The following CCDC7 variants were observed in gnomAD, a reference collection of about 807,000 sequenced individuals.
CCDC7 encodes coiled-coil domain-containing protein 7.
In CCDC7, 183 loss-of-function variants were observed where a neutral mutation model predicts 196.9. The observed-to-expected ratio is 0.93, with a 90% CI of 0.82 to 1.05. The LOEUF is 1.05. CCDC7 is among the 50% of genes least tolerant of loss of function. The probability of loss-of-function intolerance (pLI) is 0.00; values close to 1 mark genes in which losing one functional copy is unlikely to be tolerated. For synonymous variants in CCDC7, 525 were observed against 484.6 expected (o/e 1.08, Z -1.10); for missense variants, 1,540 against 1,482.2 (o/e 1.04, Z -0.64).
chr10:32,840,181 CA>C (rs987984583), intron 33 of CCDC7, among the ~76,000 whole-genome samples: 1 of 150,788 alleles, frequency 6.6e-6, no homozygotes, highest in Non-Finnish European at 1.5e-5. Context: ...AAGAATGAAA[CA>C]AAAAAATGCA....
chr10:32,711,017 A>G (rs2080732568), intron 24 of CCDC7, among the ~76,000 whole-genome samples: 1 of 152,178 alleles, frequency 6.6e-6, no homozygotes, highest in African/African-American at 2.4e-5. Flanking sequence ...TTCTCACTGT[A>G]TGTACAGCCA....
chr10:32,688,170 C>T (rs1378415927), intron 22 of CCDC7, among the ~76,000 whole-genome samples: 5 of 152,230 alleles, frequency 3.3e-5, no homozygotes, highest in East Asian at 1.9e-4. Flanking sequence ...GTGCCACTGT[C>T]GCACACTATC....
chr10:32,788,729 G>A (rs2082239234), intron 29 of CCDC7, among the ~76,000 whole-genome samples: 1 of 152,210 alleles, frequency 6.6e-6, no homozygotes, highest in Non-Finnish European at 1.5e-5. Flanking sequence ...TGTCCCTACA[G>A]ACTCAGGCTA....
intron 22 of CCDC7, among the ~76,000 whole-genome samples, chr10:32,686,336 T>C (rs2076463832): frequency 6.6e-6 from 1 of 152,218 alleles, no homozygotes; most frequent in South Asian, 2.1e-4. Flanking sequence ...ATAATTGTCT[T>C]TCAAAGAGTG....
chr10:32,573,230 G>C (rs540502678), intron 16 of CCDC7, among the ~76,000 whole-genome samples: 13 of 152,278 alleles, frequency 8.5e-5, no homozygotes, highest in African/African-American at 3.1e-4. Flanking sequence ...TGCTACTATA[G>C]TTTTCCATGC....
rs147841345 is a variant in CCDC7 at position 32,846,030 on chromosome 10, A to T, written c.3604+71A>T. The T allele has an allele frequency of 1.7e-3, 1,855 of 1,088,158 alleles. 20 individuals carry two copies. The African/African-American group carries it at 0.026, about 15-fold the overall frequency. 67.4% of individuals were successfully genotyped at this position (1,088,158 alleles called of 1,614,324 possible). A position where few individuals can be genotyped will look rare whatever the true frequency, so the allele number is the denominator to read the frequency against. On this transcript the variant is annotated intron_variant, in intron 36 of 41. Coordinates refer to ENST00000639629, the Ensembl canonical transcript of CCDC7. Reference sequence around the variant, plus strand: ...TTCCCTGAGTTAAATTGAAGTATAGACCTTTAATGACAACAGTACCTGTAT... The same window carrying T: ...TTCCCTGAGTTAAATTGAAGTATAGTCCTTTAATGACAACAGTACCTGTAT...
exon 38 of CCDC7, chr10:32,847,834 G>T: frequency 6.2e-7 from 1 of 1,600,682 alleles, no homozygotes; most frequent in Non-Finnish European, 8.5e-7. Context: ...TGTCTATAGA[G>T]ACTGATGTAG....
intron 28 of CCDC7, among the ~76,000 whole-genome samples, chr10:32,747,996 A>G (rs1458913250): frequency 1.3e-5 from 2 of 152,228 alleles, no homozygotes. Context: ...GATAAAGAAA[A>G]TGTGGTACAT....
At chr10:32,486,006 A>T (rs963607038) in intron 8 of CCDC7, among the ~76,000 whole-genome samples, 1 of 152,188 alleles carries the variant, frequency 6.6e-6, no homozygotes, top group Non-Finnish European at 1.5e-5. Flanking sequence ...GTAGATGTCT[A>T]TTAGGTCCAC....
chr10:32,595,734 T>C (rs945229007), intron 18 of CCDC7, among the ~76,000 whole-genome samples: 1 of 152,236 alleles, frequency 6.6e-6, no homozygotes, highest in African/African-American at 2.4e-5. Context: ...GAGATTCTGG[T>C]ATGTTGTGTC....
At chr10:32,457,551 G>T (rs1445181464) in intron 3 of CCDC7, among the ~76,000 whole-genome samples, 4 of 152,194 alleles carry the variant, frequency 2.6e-5, no homozygotes, top group Non-Finnish European at 5.9e-5. Context: ...ACACCCAGTA[G>T]TGGAATTGCT....
chr10:32,471,900 A>G (rs935141051), intron 6 of CCDC7, among the ~76,000 whole-genome samples: 1 of 152,092 alleles, frequency 6.6e-6, no homozygotes, highest in Non-Finnish European at 1.5e-5. Flanking sequence ...TAAGGTTTAG[A>G]CCATATTCAT....
At chr10:32,517,557 G>A (rs1389339909) in intron 9 of CCDC7, among the ~76,000 whole-genome samples, 1 of 132,432 alleles carries the variant, frequency 7.6e-6, no homozygotes, top group African/African-American at 2.9e-5. Context: ...TGTTAGGTGG[G>A]AATTGAACAA....
intron 8 of CCDC7, among the ~76,000 whole-genome samples, chr10:32,487,289 G>T (rs1194795110): frequency 6.6e-6 from 1 of 152,122 alleles, no homozygotes. Context: ...GGCTACTGAG[G>T]CTTGTGCATT....
chr10:32,751,208 CTATT>C (rs1472934783), intron 28 of CCDC7, among the ~76,000 whole-genome samples: 1 of 151,782 alleles, frequency 6.6e-6, no homozygotes, highest in Non-Finnish European at 1.5e-5. Context: ...CTGCAGTCCT[CTATT>C]TATCTAGTAT....
chr10:32,819,875 A>C (rs1289440414), intron 31 of CCDC7, among the ~76,000 whole-genome samples: 1 of 152,208 alleles, frequency 6.6e-6, no homozygotes, highest in African/African-American at 2.4e-5. Flanking sequence ...AATGGGCAAA[A>C]ACTGGAAGCA....
intron 29 of CCDC7, among the ~76,000 whole-genome samples, chr10:32,799,081 G>A (rs1271793216): frequency 2.0e-5 from 3 of 152,110 alleles, no homozygotes; most frequent in East Asian, 1.9e-4. Context: ...ATGCTGCTGC[G>A]TATCACCTAC....
At chr10:32,461,560 G>A (rs913277369) in intron 3 of CCDC7, among the ~76,000 whole-genome samples, 4 of 151,138 alleles carry the variant, frequency 2.6e-5, no homozygotes, top group Non-Finnish European at 5.9e-5. Flanking sequence ...TTTCTAGACC[G>A]TTTAGCAGGA....
chr10:32,647,127 T>C (rs1399988571), intron 20 of CCDC7, among the ~76,000 whole-genome samples: 1 of 152,242 alleles, frequency 6.6e-6, no homozygotes, highest in Non-Finnish European at 1.5e-5. Flanking sequence ...TGAATGGTAG[T>C]TCTGTTTTAA....
Sources: allele counts gnomAD v4.1 joint callset (sites outside exome capture counted in the v4.1 genomes callset), GRCh38; gene constraint gnomAD v4.1.1; transcripts MANE v1.5; gene names NCBI Gene and HGNC (gene_info 2026-07-23, HGNC 2026-07-21).